Variants in PEAK1 observed in about 807,000 individuals in gnomAD.
PEAK1 encodes pseudopodium enriched atypical kinase 1.
Under a neutral mutation model 124.7 loss-of-function variants are expected in PEAK1, and 54 were observed. That is an observed-to-expected ratio of 0.43 (90% confidence interval 0.35 to 0.54). The LOEUF (loss-of-function observed/expected upper bound fraction) is 0.54. PEAK1 is among the 20% of genes least tolerant of loss of function. The probability of loss-of-function intolerance (pLI) is 0.01; values close to 1 mark genes in which losing one functional copy is unlikely to be tolerated. For missense variants in PEAK1, 2,046 were observed against 2,134.5 expected, an observed-to-expected ratio of 0.96 and a Z score of 0.82; for synonymous variants, 719 against 760.0, an observed-to-expected ratio of 0.95 and a Z score of 0.89.
intron 1 of PEAK1, among the ~76,000 whole-genome samples, chr15:77,387,945 T>C (rs916617193): frequency 6.6e-6 from 1 of 151,514 alleles, no homozygotes; most frequent in African/African-American, 2.4e-5. Flanking sequence ...CAGAGGAGAG[T>C]TGGTTAGTAA....
At chr15:77,407,908 T>TATATACAC (rs375786306) in intron 1 of PEAK1, among the ~76,000 whole-genome samples, 4 of 122,792 alleles carry the variant, frequency 3.3e-5, no homozygotes, top group Non-Finnish European at 7.6e-5. Context: ...TATACACATA[T>TATATACAC]ATATACACAT....
At chr15:77,388,271 T>C (rs1394341949) in intron 1 of PEAK1, among the ~76,000 whole-genome samples, 3 of 152,206 alleles carry the variant, frequency 2.0e-5, no homozygotes, top group African/African-American at 4.8e-5. Context: ...GAGCCTCTTG[T>C]AGAAGTTTAA....
At chr15:77,183,595 A>G (rs747499115) in intron 6 of PEAK1, among the ~76,000 whole-genome samples, 3 of 152,148 alleles carry the variant, frequency 2.0e-5, no homozygotes, top group Non-Finnish European at 4.4e-5. Flanking sequence ...AACCTCTGTT[A>G]TAAAATATTG....
At chr15:77,318,627 TTTATAAG>T (rs1269270049) in intron 2 of PEAK1, among the ~76,000 whole-genome samples, 1 of 152,072 alleles carries the variant, frequency 6.6e-6, no homozygotes, top group African/African-American at 2.4e-5. Flanking sequence ...GACTCATTAA[TTTATAAG>T]TTATAATTTA....
chr15:77,355,920 C>A, intron 2 of PEAK1: 2 of 985,342 alleles, frequency 2.0e-6, no homozygotes, highest in African/African-American at 3.5e-5. Flanking sequence ...GACTAGGACC[C>A]CTGTGTGTGG....
At chr15:77,101,839 C>T (rs2050697008) in exon 7 of PEAK1, 1 of 152,122 alleles carries the variant, frequency 6.6e-6, no homozygotes, top group African/African-American at 2.4e-5. Context: ...TGCCCAACAC[C>T]CCAGGACAGG....
intron 1 of PEAK1, among the ~76,000 whole-genome samples, chr15:77,388,749 C>T (rs2070178712): frequency 6.6e-6 from 1 of 150,866 alleles, no homozygotes; most frequent in Non-Finnish European, 1.5e-5. Flanking sequence ...TCTCTTCATC[C>T]TCTCTTCTAC....
At chr15:77,324,922 TAACA>T (rs1398744517) in intron 2 of PEAK1, among the ~76,000 whole-genome samples, 1 of 151,492 alleles carries the variant, frequency 6.6e-6, no homozygotes, top group East Asian at 1.9e-4. Context: ...ATTCAAACCA[TAACA>T]AACAACTTCT....
At chr15:77,260,641 T>C (rs2061390889) in intron 5 of PEAK1, among the ~76,000 whole-genome samples, 2 of 152,102 alleles carry the variant, frequency 1.3e-5, no homozygotes, top group Admixed American at 1.3e-4. Flanking sequence ...AGATAAGCAG[T>C]AGTTCATACA....
At chr15:77,349,926 A>T in intron 2 of PEAK1, 1 of 984,850 alleles carries the variant, frequency 1.0e-6, no homozygotes, top group Non-Finnish European at 1.2e-6. Flanking sequence ...TCTGAGTGTC[A>T]CGAAGAAAAT....
At chr15:77,292,661 C>T (rs1202904004) in intron 2 of PEAK1, among the ~76,000 whole-genome samples, 1 of 152,072 alleles carries the variant, frequency 6.6e-6, no homozygotes, top group African/African-American at 2.4e-5. Context: ...TTTTACCACT[C>T]CGAGCGTGCC....
chr15:77,229,153 A>G (rs1408445732), intron 6 of PEAK1, among the ~76,000 whole-genome samples: 2 of 152,178 alleles, frequency 1.3e-5, no homozygotes, highest in Non-Finnish European at 2.9e-5. Flanking sequence ...TCCCTGGGAA[A>G]GAAAACAATC....
At chr15:77,340,458 C>A (rs145397809) in intron 2 of PEAK1, among the ~76,000 whole-genome samples, 1 of 152,146 alleles carries the variant, frequency 6.6e-6, no homozygotes, top group Admixed American at 6.5e-5. Flanking sequence ...AAGGGTTCAG[C>A]GGCGAGGAAG....
chr15:77,168,237 G>GCACACACACACA (rs113937076), intron 7 of PEAK1, among the ~76,000 whole-genome samples: 2,486 of 147,258 alleles, frequency 0.017, 26 homozygotes, highest in African/African-American at 0.02. Flanking sequence ...ATGTGCGCGC[G>GCACACACACACA]CACACACACA....
chr15:77,215,833 C>T (rs1596656451), intron 6 of PEAK1, among the ~76,000 whole-genome samples: 1 of 152,164 alleles, frequency 6.6e-6, no homozygotes, highest in African/African-American at 2.4e-5. Flanking sequence ...GTAACAAACA[C>T]ATTTCCCTAT....
intron 1 of PEAK1, among the ~76,000 whole-genome samples, chr15:77,408,995 C>T (rs1424201211): frequency 6.6e-6 from 1 of 152,036 alleles, no homozygotes; most frequent in Non-Finnish European, 1.5e-5. Context: ...CGTTTGAGCC[C>T]GGGAGGTCAA....
chr15:77,291,768 G>C (rs957196972), intron 2 of PEAK1, among the ~76,000 whole-genome samples: 1 of 152,076 alleles, frequency 6.6e-6, no homozygotes, highest in Non-Finnish European at 1.5e-5. Context: ...ACGAGGTCAG[G>C]AGATCGAGAC....
intron 6 of PEAK1, among the ~76,000 whole-genome samples, chr15:77,205,960 A>G (rs1412571130): frequency 3.1e-5 from 4 of 127,422 alleles, no homozygotes; most frequent in African/African-American, 8.9e-5. Flanking sequence ...ATATCTCCCA[A>G]TGCTATCCCT....
intron 8 of PEAK1, among the ~76,000 whole-genome samples, chr15:77,149,702 A>G (rs2054438434): frequency 6.6e-6 from 1 of 152,164 alleles, no homozygotes; most frequent in South Asian, 2.1e-4. Flanking sequence ...AGAGTCAAGT[A>G]TATAGACACT....
Sources: allele counts gnomAD v4.1 joint callset (sites outside exome capture counted in the v4.1 genomes callset), GRCh38; gene constraint gnomAD v4.1.1; transcripts MANE v1.5; gene names NCBI Gene and HGNC (gene_info 2026-07-23, HGNC 2026-07-21).